KCNMA1: variants seen among roughly 807,000 people sequenced by gnomAD.
The protein encoded by KCNMA1 is Calcium-activated potassium channel subunit alpha-1.
Under a neutral mutation model 140.0 loss-of-function variants are expected in KCNMA1, and 29 were observed. The observed-to-expected ratio is 0.21, with a 90% CI of 0.15 to 0.28. The LOEUF (loss-of-function observed/expected upper bound fraction) is 0.28, where lower values mean the gene tolerates loss of function less well. Ranked by LOEUF, KCNMA1 falls within the 10% of genes least tolerant of loss-of-function variation. The probability of loss-of-function intolerance (pLI) is 1.00; values close to 1 mark genes in which losing one functional copy is unlikely to be tolerated. For synonymous variants in KCNMA1, 612 were observed against 611.9 expected (o/e 1.00, Z 0.00); for missense variants, 880 against 1,602.2 (o/e 0.55, Z 7.70).
intron 19 of KCNMA1, among the ~76,000 whole-genome samples, chr10:76,996,789 A>G (rs1337744035): frequency 6.6e-6 from 1 of 152,176 alleles, no homozygotes; most frequent in South Asian, 2.1e-4. Context: ...GGTGGTGGAA[A>G]GAGGGGAGTA....
intron 1 of KCNMA1, among the ~76,000 whole-genome samples, chr10:77,614,512 G>A (rs2088530598): frequency 1.3e-5 from 2 of 152,170 alleles, no homozygotes. Flanking sequence ...ACTCAAAGGT[G>A]AGCTTGAATA....
At chr10:76,988,212 G>A (rs2081812925) in intron 19 of KCNMA1, among the ~76,000 whole-genome samples, 1 of 152,176 alleles carries the variant, frequency 6.6e-6, no homozygotes, top group African/African-American at 2.4e-5. Flanking sequence ...CTGAAAGAAA[G>A]GGATAGTGGT....
rs137933357 is a variant in KCNMA1 at position 77,064,501 on chromosome 10, T to C, written c.1749+8596A>G. ...TTCTTTTTGCTAATAATGTTTGCCT[T>C]GAGAATTTGTAAAGGTCTGAGAACG... On this transcript the variant is annotated intron_variant, in intron 14 of 27. Coordinates refer to ENST00000286628, the MANE Select transcript of KCNMA1 (RefSeq NM_001161352.2). Among the ~76,000 whole-genome samples the C allele has an allele frequency of 6.2e-3, 952 of 152,366 alleles. 12 individuals carry two copies. Among genetic ancestry groups the C allele is most frequent in the African/African-American group, 0.022 (894 of 41,580 alleles).
At chr10:77,452,743 CTCCATCTGCTTCTGA>C (rs1208042462) in intron 1 of KCNMA1, among the ~76,000 whole-genome samples, 1 of 152,184 alleles carries the variant, frequency 6.6e-6, no homozygotes, top group African/African-American at 2.4e-5. Flanking sequence ...AGTACTTAGC[CTCCATCTGCTTCTGA>C]TGATGTTTTC....
At chr10:77,488,886 C>T (rs2098496721) in intron 1 of KCNMA1, among the ~76,000 whole-genome samples, 1 of 152,230 alleles carries the variant, frequency 6.6e-6, no homozygotes, top group Admixed American at 6.5e-5. Flanking sequence ...AACCATTCTC[C>T]TGTTATAAAA....
chr10:77,138,859 CATTGCAAGGTTGGCTA>C (rs2098109463), intron 5 of KCNMA1, among the ~76,000 whole-genome samples: 1 of 152,178 alleles, frequency 6.6e-6, no homozygotes, highest in South Asian at 2.1e-4. Context: ...TCCCCCAGAT[CATTGCAAGGTTGGCTA>C]ATGGAGGTCT....
Position 77,597,796 on chromosome 10 carries a change from A to G in KCNMA1, c.378+39469T>C, listed in dbSNP as rs1194222590. On this transcript the variant is annotated intron_variant, in intron 1 of 27. Transcript: ENST00000286628. ...CAGTGCTCCTTCCCCAGAAAGCCATATGGCTTTCTCCCAAGTTCCTTTTGG... is the reference window on the plus strand; with the variant it reads ...CAGTGCTCCTTCCCCAGAAAGCCATGTGGCTTTCTCCCAAGTTCCTTTTGG... Among the ~76,000 whole-genome samples the G allele has an allele frequency of 7.2e-5, 11 of 152,208 alleles. No homozygotes were observed. The East Asian group carries it at 1.9e-3, about 27-fold the overall frequency.
intron 1 of KCNMA1, among the ~76,000 whole-genome samples, chr10:77,543,442 A>T (rs1006185835): frequency 6.6e-6 from 1 of 152,236 alleles, no homozygotes; most frequent in African/African-American, 2.4e-5. Flanking sequence ...TAAAAAAAAT[A>T]TGGCACTTGT....
At position 76,914,963 on chromosome 10, in the gene KCNMA1, C is replaced by T; in HGVS notation, c.2989G>A (p.Val997Ile). Residue 997 changes from valine to isoleucine, a missense_variant, in exon 24 of 28, where the codon GTC becomes ATC. Val to Ile is a conservative substitution (Grantham distance 29). Transcript: ENST00000286628. ...AGTTCAGTGATGATGGGGATGTTGA[C>T]CCCAGTTGTGATGGATGGTTGACGT... ...MLRQPSITTG[V>I]NIPIITELVN... is the part of the protein sequence containing the mutation. The T allele has an allele frequency of 2.5e-6, 4 of 1,613,212 alleles. No individual in the cohort carries two copies. The highest frequency in any genetic ancestry group is 2.5e-6 in the Non-Finnish European group (3 of 1,179,302).
intron 2 of KCNMA1, among the ~76,000 whole-genome samples, chr10:77,260,063 C>A (rs2061628493): frequency 1.3e-5 from 2 of 152,040 alleles, no homozygotes; most frequent in African/African-American, 2.4e-5. Flanking sequence ...AGTTTATAAC[C>A]CGGAATAAAG....
At chr10:77,433,674 A>G (rs2097196789) in intron 1 of KCNMA1, 1 of 152,242 alleles carries the variant, frequency 6.6e-6, no homozygotes. Flanking sequence ...GCAAAGTTAC[A>G]GAGGGTTGCA....
Position 76,944,909 on chromosome 10 carries a change from C to T in KCNMA1, c.2766G>A (p.Met922Ile). 2 of 1,613,938 alleles carry T rather than the reference C, an allele frequency of 1.2e-6. No individual in the cohort carries two copies. The highest frequency in any genetic ancestry group is 1.7e-6 in the Non-Finnish European group (2 of 1,179,986). ...TCTGATTGGCTGACAGGATAACGCA[C>T]ATGTCACAGAGGTTGATGTTGACAG... ...LRAVNINLCDMCVILSANQNN... is the reference protein window; with the variant it reads ...LRAVNINLCDICVILSANQNN... The change falls in exon 23 of 28, where the codon ATG becomes ATA. Residue 922 changes from methionine (M) to isoleucine (I), a missense_variant. Transcript: ENST00000286628.
At chr10:77,532,442 C>T (rs946480792) in intron 1 of KCNMA1, among the ~76,000 whole-genome samples, 12 of 152,176 alleles carry the variant, frequency 7.9e-5, no homozygotes, top group East Asian at 1.9e-4. Flanking sequence ...GAAAACACAG[C>T]GATGCCAGAT....
chr10:77,621,515 C>T lies in KCNMA1; in HGVS notation c.378+15750G>A, dbSNP rs557325326. On this transcript the variant is annotated intron_variant, in intron 1 of 27. Transcript: ENST00000286628. ...TGAATCTGTGTGCATCTCACACATA[C>T]GTACATGTACACACACACACACACA... 1.3e-3 allele frequency among the ~76,000 whole-genome samples: 185 copies of T among 142,638 alleles called. 3 individuals are homozygous for T. Among genetic ancestry groups the T allele is most frequent in the African/African-American group, 4.7e-3 (169 of 35,962 alleles). The allele number at this position is 142,638 out of a possible 152,430, so 93.6% of individuals were successfully genotyped here.
intron 20 of KCNMA1, among the ~76,000 whole-genome samples, chr10:76,960,583 T>C (rs182083274): frequency 6.0e-5 from 9 of 151,056 alleles, no homozygotes; most frequent in African/African-American, 1.9e-4. Flanking sequence ...GTTATTCAAC[T>C]TTGCTGTATT....
At chr10:77,305,401 G>C (rs940560760) in intron 2 of KCNMA1, among the ~76,000 whole-genome samples, 2 of 152,100 alleles carry the variant, frequency 1.3e-5, no homozygotes, top group African/African-American at 4.8e-5. Flanking sequence ...AACTTATAGA[G>C]AAAGAAACGA....
At chr10:76,877,059 T>C (rs572577611), downstream of KCNMA1, 1 of 152,806 alleles carries the variant, frequency 6.5e-6, no homozygotes, top group African/African-American at 2.4e-5. Context: ...CAGAAGGTCT[T>C]CCCTTTAAAA....
intron 16 of KCNMA1, 39 bp from the exon 17 acceptor site, chr10:77,019,138 G>T: frequency 9.2e-7 from 1 of 1,087,508 alleles, no homozygotes. Flanking sequence ...AGATACATTT[G>T]TGAGGTCATG....
chr10:77,447,203 A>C lies in KCNMA1; in HGVS notation c.379-43180T>G, dbSNP rs547254413. On this transcript the variant is annotated intron_variant, in intron 1 of 27. Coordinates refer to ENST00000286628, the MANE Select transcript of KCNMA1 (RefSeq NM_001161352.2). ...ACAGAAGCACAGCAATTTGGGCCCA[A>C]AGGGATCATCTCTGTTGGATAAATC... Among the ~76,000 whole-genome samples, 74 of 152,324 alleles carry C rather than the reference A, an allele frequency of 4.9e-4. No individual in the cohort carries two copies. In the South Asian group the frequency reaches 0.015, roughly 31 times the overall value.
Sources: allele counts gnomAD v4.1 joint callset (sites outside exome capture counted in the v4.1 genomes callset), GRCh38; gene constraint gnomAD v4.1.1; transcripts MANE v1.5; gene names NCBI Gene and HGNC (gene_info 2026-07-23, HGNC 2026-07-21).